The following HPSE2 variants were observed in gnomAD, a reference collection of about 807,000 sequenced individuals.
HPSE2 encodes the protein heparanase 2 (inactive).
A neutral mutation model predicts 60.5 loss-of-function variants in HPSE2; 38 were observed. The ratio of observed to expected loss-of-function variants is 0.63; its 90% CI spans 0.48 to 0.82. HPSE2 has a LOEUF of 0.82. Ranked by LOEUF, HPSE2 falls within the 40% of genes least tolerant of loss-of-function variation. HPSE2 has a pLI of 0.00. For missense variants in HPSE2, 713 were observed against 740.4 expected (o/e 0.96, Z 0.43); for synonymous variants, 295 against 293.2 (o/e 1.01, Z -0.06).
Position 99,235,704 on chromosome 10 carries a change from G to A in HPSE2, c.99C>T (p.Leu33=). Residue 33 remains leucine (L), a synonymous_variant, in exon 1 of 12, where the codon CTC becomes CTT. Coordinates refer to ENST00000370552, the MANE Select transcript of HPSE2 (RefSeq NM_021828.5). ...CAGCCTGGGAGGAAAGGGAGAGATG[G>A]AGCAACAGAGCCAAGTAGAGAGCCC... The part of the protein sequence containing the change: ...APGALYLALL[L]HLSLSSQAGD... 6.2e-7 allele frequency: 1 copy of A among 1,614,056 alleles called. No individual in the cohort carries two copies. Among genetic ancestry groups the A allele is most frequent in the Middle Eastern group, 1.6e-4 (1 of 6,062 alleles).
chr10:98,923,913 T>G (rs1376396944), intron 3 of HPSE2, among the ~76,000 whole-genome samples: 2 of 152,144 alleles, frequency 1.3e-5, no homozygotes, highest in African/African-American at 4.8e-5. Flanking sequence ...TGGTACCTCA[T>G]TTAGTTCATT....
intron 3 of HPSE2, among the ~76,000 whole-genome samples, chr10:99,117,791 AG>A (rs756305850): frequency 5.3e-5 from 8 of 152,186 alleles, no homozygotes; most frequent in Non-Finnish European, 7.4e-5. Flanking sequence ...AGTTATAAAA[AG>A]AAAAGCTGGT....
At chr10:99,196,676 C>G (rs1161332280) in intron 2 of HPSE2, among the ~76,000 whole-genome samples, 1 of 152,120 alleles carries the variant, frequency 6.6e-6, no homozygotes, top group East Asian at 1.9e-4. Context: ...TATCTCACCC[C>G]AGTTAAAATG....
At chr10:99,091,042 C>A (rs975900928) in intron 3 of HPSE2, among the ~76,000 whole-genome samples, 1 of 152,056 alleles carries the variant, frequency 6.6e-6, no homozygotes, top group Non-Finnish European at 1.5e-5. Flanking sequence ...TTAGATTTTA[C>A]CTTAACTACA....
chr10:98,549,922 TATA>T (rs1422926142), intron 9 of HPSE2, among the ~76,000 whole-genome samples: 1 of 152,174 alleles, frequency 6.6e-6, no homozygotes, highest in African/African-American at 2.4e-5. Flanking sequence ...GGTTCAGCTC[TATA>T]TGTGACTCCC....
At chr10:98,489,193 A>C (rs1469355153) in intron 10 of HPSE2, among the ~76,000 whole-genome samples, 1 of 152,080 alleles carries the variant, frequency 6.6e-6, no homozygotes, top group Non-Finnish European at 1.5e-5. Context: ...AGGGCAGCCT[A>C]CTCTGCCTTA....
intron 2 of HPSE2, among the ~76,000 whole-genome samples, chr10:99,155,872 A>G (rs1313580138): frequency 2.0e-5 from 3 of 151,928 alleles, no homozygotes; most frequent in Non-Finnish European, 4.4e-5. Flanking sequence ...CTAATAAAGA[A>G]AAAAAGAAGA....
At chr10:98,914,887 C>T (rs1391628426) in intron 3 of HPSE2, among the ~76,000 whole-genome samples, 2 of 151,364 alleles carry the variant, frequency 1.3e-5, no homozygotes, top group East Asian at 2.0e-4. Flanking sequence ...CCCCAACACC[C>T]GACTCCTATG....
intron 3 of HPSE2, among the ~76,000 whole-genome samples, chr10:98,815,170 T>C (rs1486073730): frequency 1.3e-5 from 2 of 152,102 alleles, no homozygotes; most frequent in East Asian, 3.9e-4. Flanking sequence ...GTGGTCCCAG[T>C]ACTCAGGAGG....
At chr10:98,934,011 C>A (rs1401929163) in intron 3 of HPSE2, among the ~76,000 whole-genome samples, 1 of 144,084 alleles carries the variant, frequency 6.9e-6, no homozygotes, top group Non-Finnish European at 1.5e-5. Flanking sequence ...AGATTACAGG[C>A]TTGAGCCAGT....
Position 98,796,554 on chromosome 10 carries a change from G to A in HPSE2, c.611-52498C>T, listed in dbSNP as rs73327751. 2.9e-3 allele frequency among the ~76,000 whole-genome samples: 438 copies of A among 152,258 alleles called. 3 individuals are homozygous for A. Among genetic ancestry groups the A allele is most frequent in the African/African-American group, 1.0e-2 (415 of 41,548 alleles). On this transcript the variant is annotated intron_variant, in intron 3 of 11. Transcript: ENST00000370552. ...TCTAAAGTTTTTGACTCCAATCCCC[G>A]GCTCCAAGATACATCTCTGAACCTG...
At chr10:98,862,891 G>C (rs1296051686) in intron 3 of HPSE2, among the ~76,000 whole-genome samples, 1 of 152,162 alleles carries the variant, frequency 6.6e-6, no homozygotes, top group African/African-American at 2.4e-5. Context: ...CTCCCAAGTA[G>C]CTGGGACTGT....
In HPSE2 at chr10:98,743,333, TA is replaced by T. The variant is rs773302877; in HGVS notation, c.784+549del. Among the ~76,000 whole-genome samples, 21 of 152,146 alleles carry T rather than the reference TA, an allele frequency of 1.4e-4. 1 individual carries two copies. Among genetic ancestry groups the T allele is most frequent in the Non-Finnish European group, 2.9e-4 (20 of 68,036 alleles). On this transcript the variant is annotated intron_variant, in intron 4 of 11. Transcript: ENST00000370552. ...TGCACAGGCTGCACACCCTTGAAAC[TA>T]GCCTCGGTTAAATTGTTTAAGAAAT...
chr10:98,723,560 G>T (rs547587691), intron 4 of HPSE2, among the ~76,000 whole-genome samples: 1,813 of 152,122 alleles, frequency 0.012, 24 homozygotes, highest in African/African-American at 0.041. Flanking sequence ...TCCTTGTACT[G>T]CTGGTAGAAT....
chr10:98,541,501 G>A (rs893034353), intron 9 of HPSE2, among the ~76,000 whole-genome samples: 6 of 152,292 alleles, frequency 3.9e-5, no homozygotes, highest in East Asian at 3.9e-4. Flanking sequence ...TGCGCGAGCC[G>A]AATCAGGGCG....
At chr10:98,983,955 C>G (rs1439680124) in intron 3 of HPSE2, among the ~76,000 whole-genome samples, 1 of 152,184 alleles carries the variant, frequency 6.6e-6, no homozygotes, top group Non-Finnish European at 1.5e-5. Flanking sequence ...AGGGGCGACC[C>G]TCATTGCCCA....
chr10:99,023,647 CAGAG>C (rs964203886), intron 3 of HPSE2, among the ~76,000 whole-genome samples: 1 of 151,934 alleles, frequency 6.6e-6, no homozygotes, highest in Non-Finnish European at 1.5e-5. Context: ...TTGCTCAGAA[CAGAG>C]AGAGAGACTC....
chr10:99,197,189 G>A (rs1191568851), intron 2 of HPSE2, among the ~76,000 whole-genome samples: 3 of 152,068 alleles, frequency 2.0e-5, no homozygotes, highest in Non-Finnish European at 4.4e-5. Flanking sequence ...TTAAACTCAT[G>A]GACATAGTAA....
At chr10:99,036,833 G>C (rs1229509247) in intron 3 of HPSE2, among the ~76,000 whole-genome samples, 2 of 152,082 alleles carry the variant, frequency 1.3e-5, no homozygotes, top group African/African-American at 4.8e-5. Context: ...TCGTTTCATG[G>C]GGTGAAGCTT....
Sources: allele counts gnomAD v4.1 joint callset (sites outside exome capture counted in the v4.1 genomes callset), GRCh38; gene constraint gnomAD v4.1.1; transcripts MANE v1.5; gene names NCBI Gene and HGNC (gene_info 2026-07-23, HGNC 2026-07-21).